Variants in ANO4 observed in about 807,000 individuals in gnomAD.
ANO4 encodes the protein anoctamin 4.
Under a neutral mutation model 141.9 loss-of-function variants are expected in ANO4, and 69 were observed. That is an observed-to-expected ratio of 0.49 (90% CI 0.40 to 0.59). The LOEUF (loss-of-function observed/expected upper bound fraction) is 0.59, where lower values mean the gene tolerates loss of function less well. ANO4 is among the 20% of genes least tolerant of loss of function. The pLI is 0.00. For synonymous variants in ANO4, 350 were observed against 394.3 expected, an observed-to-expected ratio of 0.89 and a Z score of 1.33; for missense variants, 894 against 1,162.2, an observed-to-expected ratio of 0.77 and a Z score of 3.36.
chr12:100,725,497 C>G (rs1362818487), intron 1 of ANO4, among the ~76,000 whole-genome samples: 1 of 152,046 alleles, frequency 6.6e-6, no homozygotes, highest in Non-Finnish European at 1.5e-5. Context: ...CAGGCGCCCA[C>G]CACCACGCCC....
At chr12:101,074,299 G>A (rs1372979223) in intron 14 of ANO4, among the ~76,000 whole-genome samples, 1 of 152,124 alleles carries the variant, frequency 6.6e-6, no homozygotes, top group African/African-American at 2.4e-5. Context: ...TCCTACAAAA[G>A]AGCTGTTTCC....
chr12:101,069,044 C>A, intron 14 of ANO4: 1 of 831,872 alleles, frequency 1.2e-6, no homozygotes, highest in Non-Finnish European at 2.1e-6. Flanking sequence ...GGCTAAGGTA[C>A]ACTAGGAGGA....
At chr12:100,995,449 G>C (rs752916796) in intron 8 of ANO4, among the ~76,000 whole-genome samples, 1 of 152,210 alleles carries the variant, frequency 6.6e-6, no homozygotes, top group Non-Finnish European at 1.5e-5. Context: ...CTTTTACAGA[G>C]GAATGACGTG....
intron 1 of ANO4, among the ~76,000 whole-genome samples, chr12:100,811,166 CT>C (rs1282784485): frequency 6.6e-6 from 1 of 152,116 alleles, no homozygotes; most frequent in African/African-American, 2.4e-5. Flanking sequence ...CAGAAACGGA[CT>C]CATAGATCAT....
At chr12:100,767,950 G>A (rs2033154678) in intron 3 of ANO4, among the ~76,000 whole-genome samples, 1 of 152,084 alleles carries the variant, frequency 6.6e-6, no homozygotes, top group South Asian at 2.1e-4. Flanking sequence ...GGGAGCTAGT[G>A]GGGCAAGCCT....
At chr12:100,820,710 A>T (rs2036002702) in intron 1 of ANO4, among the ~76,000 whole-genome samples, 1 of 152,010 alleles carries the variant, frequency 6.6e-6, no homozygotes, top group African/African-American at 2.4e-5. Context: ...AACTACCTCC[A>T]CCAGTGGGTT....
intron 14 of ANO4, among the ~76,000 whole-genome samples, chr12:101,063,745 C>CTTTTTTTTTTTTTTTTTTTTTTTTTTT: frequency 4.0e-5 from 1 of 24,772 alleles, no homozygotes; most frequent in Non-Finnish European, 6.7e-5. Flanking sequence ...TCCAGGTTAT[C>CTTTTTTTTTTTTTTTTTTTTTTTTTTT]TTTTTTTTTT....
intron 1 of ANO4, among the ~76,000 whole-genome samples, chr12:100,839,661 C>T (rs2037133960): frequency 6.6e-6 from 1 of 151,978 alleles, no homozygotes. Flanking sequence ...AATTTGCTTG[C>T]TGGAGTTAAG....
At position 100,925,856 on chromosome 12, in the gene ANO4, C is replaced by CATAT. The variant is rs138142988; in HGVS notation, c.160+3537_160+3540dup. Among the ~76,000 whole-genome samples the CATAT allele has an allele frequency of 4.5e-3, 677 of 149,152 alleles. 6 individuals carry two copies. The highest frequency in any genetic ancestry group is 0.016 in the Admixed American group (238 of 14,872). On this transcript the variant is annotated intron_variant, in intron 3 of 27. Coordinates refer to ENST00000392977, the MANE Select transcript of ANO4 (RefSeq NM_001286615.2). The stretch of plus-strand genomic sequence containing the variant: ...ATACATACATATATATACACACACA[C>CATAT]ATATATATATATATGAGACCTTCAA...
chr12:100,773,359 T>C (rs2033375858), intron 3 of ANO4, among the ~76,000 whole-genome samples: 1 of 152,244 alleles, frequency 6.6e-6, no homozygotes. Context: ...GTGTCCTAGA[T>C]ATTTGTGTTC....
At chr12:101,050,282 C>G (rs908407143) in intron 14 of ANO4, among the ~76,000 whole-genome samples, 1 of 152,148 alleles carries the variant, frequency 6.6e-6, no homozygotes, top group African/African-American at 2.4e-5. Flanking sequence ...TGGCTGAGGC[C>G]TCTCTCAAGC....
At chr12:100,776,312 G>A (rs1245506598) in intron 3 of ANO4, among the ~76,000 whole-genome samples, 1 of 152,158 alleles carries the variant, frequency 6.6e-6, no homozygotes, top group Non-Finnish European at 1.5e-5. Flanking sequence ...GCTTGCTGGA[G>A]CCGAGGCTCT....
intron 1 of ANO4, among the ~76,000 whole-genome samples, chr12:100,801,968 G>A (rs2135666431): frequency 6.6e-6 from 1 of 152,316 alleles, no homozygotes; most frequent in South Asian, 2.1e-4. Flanking sequence ...GAGAGCAGTT[G>A]CGCAGTACAT....
At chr12:100,812,335 G>A (rs1426213410) in intron 1 of ANO4, among the ~76,000 whole-genome samples, 22 of 152,068 alleles carry the variant, frequency 1.4e-4, no homozygotes. Flanking sequence ...GATTTTATGT[G>A]ACAGTCTTCA....
At chr12:100,893,200 A>G (rs1208033098) in intron 1 of ANO4, among the ~76,000 whole-genome samples, 5 of 150,788 alleles carry the variant, frequency 3.3e-5, no homozygotes, top group Non-Finnish European at 2.9e-5. Flanking sequence ...AATATATTGG[A>G]TTAGGGCTAT....
At chr12:101,066,369 G>T (rs2048587190) in intron 14 of ANO4, among the ~76,000 whole-genome samples, 1 of 152,142 alleles carries the variant, frequency 6.6e-6, no homozygotes, top group South Asian at 2.1e-4. Context: ...AAAACCTAAA[G>T]ACTCCACCAA....
chr12:101,065,012 C>T (rs1188572742), intron 14 of ANO4, among the ~76,000 whole-genome samples: 1 of 152,088 alleles, frequency 6.6e-6, no homozygotes, highest in Non-Finnish European at 1.5e-5. Flanking sequence ...CCTTATTTTA[C>T]TTAATTATGT....
intron 25 of ANO4, among the ~76,000 whole-genome samples, chr12:101,117,952 T>G (rs763776797): frequency 6.6e-6 from 1 of 152,082 alleles, no homozygotes; most frequent in Admixed American, 6.6e-5. Flanking sequence ...CAGGTCTCAT[T>G]GGCTGTCACA....
chr12:100,945,606 T>G (rs2136188497), intron 5 of ANO4, among the ~76,000 whole-genome samples: 1 of 152,340 alleles, frequency 6.6e-6, no homozygotes, highest in Non-Finnish European at 1.5e-5. Flanking sequence ...TTTGGATACC[T>G]ATTTTGAAAT....
Sources: allele counts gnomAD v4.1 joint callset (sites outside exome capture counted in the v4.1 genomes callset), GRCh38; gene constraint gnomAD v4.1.1; transcripts MANE v1.5; gene names NCBI Gene and HGNC (gene_info 2026-07-23, HGNC 2026-07-21).